The following CTNNA3 variants were observed in gnomAD, a reference collection of about 807,000 sequenced individuals.
CTNNA3 encodes the protein catenin alpha 3.
In CTNNA3, 76 loss-of-function variants were observed where a neutral mutation model predicts 95.7. The observed-to-expected ratio is 0.79, with a 90% CI of 0.66 to 0.96. The LOEUF is 0.96. Among genes scored for constraint, CTNNA3 ranks in the 40% least tolerant of loss-of-function variants. CTNNA3 has a pLI of 0.00. For missense variants in CTNNA3, 1,191 were observed against 1,089.8 expected, an observed-to-expected ratio of 1.09 and a Z score of -1.31; for synonymous variants, 431 against 374.4, an observed-to-expected ratio of 1.15 and a Z score of -1.74.
chr10:66,684,260 C>T (rs2894021), intron 9 of CTNNA3, among the ~76,000 whole-genome samples: 3 of 151,486 alleles, frequency 2.0e-5, no homozygotes, highest in African/African-American at 7.3e-5. Flanking sequence ...TGCTACATAT[C>T]CTATAATGCA....
intron 7 of CTNNA3, among the ~76,000 whole-genome samples, chr10:66,881,848 TTAAC>T (rs1383657648): frequency 1.1e-4 from 16 of 152,130 alleles, no homozygotes; most frequent in Non-Finnish European, 1.5e-5. Flanking sequence ...GAGCTTTTCT[TTAAC>T]TAATAGAGCT....
chr10:66,880,069 A>C (rs144413161), intron 7 of CTNNA3, among the ~76,000 whole-genome samples: 268 of 152,224 alleles, frequency 1.8e-3, no homozygotes, highest in African/African-American at 6.3e-3. Flanking sequence ...ATGTCAGAGA[A>C]CAAAACCAGG....
intron 7 of CTNNA3, among the ~76,000 whole-genome samples, chr10:67,077,293 G>A (rs138878061): frequency 1.3e-5 from 2 of 152,148 alleles, no homozygotes; most frequent in Admixed American, 6.5e-5. Context: ...TATCACTCTC[G>A]TGCTTAAATC....
intron 3 of CTNNA3, among the ~76,000 whole-genome samples, chr10:67,563,643 G>A (rs1191439844): frequency 1.3e-5 from 2 of 152,068 alleles, no homozygotes; most frequent in Admixed American, 6.5e-5. Context: ...TTGACAAATG[G>A]GATCTAATTA....
chr10:67,281,672 C>A (rs1839407000), intron 5 of CTNNA3, among the ~76,000 whole-genome samples: 1 of 152,110 alleles, frequency 6.6e-6, no homozygotes, highest in Admixed American at 6.5e-5. Context: ...TAGATTGTTA[C>A]TGTCCTTTAT....
intron 1 of CTNNA3, among the ~76,000 whole-genome samples, chr10:67,716,693 TG>T (rs1269347551): frequency 6.6e-6 from 1 of 152,244 alleles, no homozygotes; most frequent in Non-Finnish European, 1.5e-5. Flanking sequence ...GGTGTGTATG[TG>T]CCACATTTTC....
intron 9 of CTNNA3, among the ~76,000 whole-genome samples, chr10:66,667,665 A>C (rs2132461769): frequency 6.6e-6 from 1 of 152,246 alleles, no homozygotes; most frequent in Admixed American, 6.5e-5. Flanking sequence ...AGCAAGATTT[A>C]GTCTTTTGTT....
chr10:66,611,240 A>G (rs1227743402), intron 10 of CTNNA3, among the ~76,000 whole-genome samples: 1 of 152,154 alleles, frequency 6.6e-6, no homozygotes, highest in African/African-American at 2.4e-5. Flanking sequence ...ATTATAATTG[A>G]CAATAACTTA....
intron 1 of CTNNA3, among the ~76,000 whole-genome samples, chr10:67,727,706 TA>T: frequency 7.8e-6 from 1 of 128,550 alleles, no homozygotes; most frequent in African/African-American, 2.9e-5. Flanking sequence ...AGATCATAGA[TA>T]ATATATATAA....
intron 10 of CTNNA3, among the ~76,000 whole-genome samples, chr10:66,610,842 G>T (rs541391455): frequency 3.3e-5 from 5 of 151,988 alleles, no homozygotes; most frequent in Non-Finnish European, 7.4e-5. Flanking sequence ...GTTTATTGCA[G>T]CACTGTTCAC....
At chr10:67,717,652 C>G (rs758514286) in intron 1 of CTNNA3, among the ~76,000 whole-genome samples, 23 of 151,986 alleles carry the variant, frequency 1.5e-4, no homozygotes, top group Admixed American at 5.2e-4. Flanking sequence ...ATTTCTGAGG[C>G]CTCTGTTCTG....
At chr10:66,540,370 A>G (rs921708045) in intron 10 of CTNNA3, among the ~76,000 whole-genome samples, 2 of 152,308 alleles carry the variant, frequency 1.3e-5, no homozygotes. Context: ...TCAGAAAGTT[A>G]GATGGTTATC....
intron 10 of CTNNA3, among the ~76,000 whole-genome samples, chr10:66,534,837 G>T (rs1841596641): frequency 6.6e-6 from 1 of 151,566 alleles, no homozygotes; most frequent in African/African-American, 2.4e-5. Flanking sequence ...ATTTTCTAAA[G>T]TTATGAAGTA....
chr10:66,058,829 T>A (rs529326360), intron 15 of CTNNA3, among the ~76,000 whole-genome samples: 2 of 152,294 alleles, frequency 1.3e-5, no homozygotes, highest in South Asian at 4.1e-4. Context: ...GCTGTGATAT[T>A]AAGTAACAGG....
chr10:66,953,821 G>A (rs1848659423), intron 7 of CTNNA3, among the ~76,000 whole-genome samples: 1 of 152,072 alleles, frequency 6.6e-6, no homozygotes, highest in African/African-American at 2.4e-5. Context: ...TGTAGGCCAG[G>A]TTCTAGAGAC....
chr10:67,073,231 G>T (rs952126177), intron 7 of CTNNA3, among the ~76,000 whole-genome samples: 1 of 152,074 alleles, frequency 6.6e-6, no homozygotes, highest in Non-Finnish European at 1.5e-5. Context: ...TGACCTACTT[G>T]AAAATCAAAG....
intron 15 of CTNNA3, among the ~76,000 whole-genome samples, chr10:66,004,131 T>C (rs770357302): frequency 6.6e-6 from 1 of 152,236 alleles, no homozygotes; most frequent in Non-Finnish European, 1.5e-5. Context: ...AATCTTGCAG[T>C]GAAAGCATCA....
intron 7 of CTNNA3, among the ~76,000 whole-genome samples, chr10:66,861,434 G>C (rs1291288513): frequency 6.6e-6 from 1 of 152,058 alleles, no homozygotes. Context: ...AATGAGCATG[G>C]GTGTGTGTGA....
chr10:66,429,472 T>C (rs1254513034), intron 11 of CTNNA3, among the ~76,000 whole-genome samples: 1 of 152,030 alleles, frequency 6.6e-6, no homozygotes, highest in Non-Finnish European at 1.5e-5. Flanking sequence ...TAGACCAATA[T>C]CCCTGATGAA....
Sources: allele counts gnomAD v4.1 joint callset (sites outside exome capture counted in the v4.1 genomes callset), GRCh38; gene constraint gnomAD v4.1.1; transcripts MANE v1.5; gene names NCBI Gene and HGNC (gene_info 2026-07-23, HGNC 2026-07-21).